FABP12: variants seen among roughly 807,000 people sequenced by gnomAD.
FABP12 encodes fatty acid binding protein 12, also known as fatty acid-binding protein 12.
Under a neutral mutation model 13.7 loss-of-function variants are expected in FABP12, and 19 were observed. The ratio of observed to expected loss-of-function variants is 1.39; its 90% CI spans 0.97 to 2.04. The LOEUF (loss-of-function observed/expected upper bound fraction) is 2.04. Among genes scored for constraint, FABP12 ranks in the 30% most tolerant of loss-of-function variants. FABP12 has a pLI of 0.00. For missense variants in FABP12, 182 were observed against 164.2 expected (o/e 1.11, Z -0.59); for synonymous variants, 61 against 57.0 (o/e 1.07, Z -0.32).
upstream of FABP12, among the ~76,000 whole-genome samples, chr8:81,534,635 G>A (rs1184590572): frequency 6.6e-6 from 1 of 152,150 alleles, no homozygotes; most frequent in Non-Finnish European, 1.5e-5. Flanking sequence ...TTATGATAAA[G>A]AGTAGGAGTT....
rs763089399 is a variant in FABP12 at position 81,578,823 on chromosome 8, G to GTTTTTTTT, written c.-185+11222_-185+11229dup. On this transcript the variant is annotated intron_variant, in intron 1 of 5. Coordinates refer to the FABP12 transcript ENST00000692030. ...TACAGAATCTGACACATTTGTTCAA[G>GTTTTTTTT]TTTTTTTTTTTTTTTTTTTGAGAAG... Among the ~76,000 whole-genome samples, 5 of 105,664 alleles carry GTTTTTTTT rather than the reference G, an allele frequency of 4.7e-5. 2 individuals carry two copies. The highest frequency in any genetic ancestry group is 8.1e-5 in the African/African-American group (2 of 24,576). The allele number at this position is 105,664 out of a possible 152,430, so 69.3% of individuals were successfully genotyped here. A position where few individuals can be genotyped will look rare whatever the true frequency, so the allele number is the denominator to read the frequency against.
chr8:81,529,373 T>C (rs1184986237), intron 3 of FABP12, 65 bp downstream of exon 3: 2 of 1,508,856 alleles, frequency 1.3e-6, no homozygotes, highest in Non-Finnish European at 1.8e-6. Context: ...ATTGCTTACT[T>C]ACCGAGGATG....
chr8:81,552,399 A>G (rs1250079972), intron 1 of FABP12, among the ~76,000 whole-genome samples: 1 of 152,188 alleles, frequency 6.6e-6, no homozygotes, highest in African/African-American at 2.4e-5. Flanking sequence ...AATGCTTAAA[A>G]GAGATTAAAT....
intron 1 of FABP12, among the ~76,000 whole-genome samples, chr8:81,552,034 T>C (rs1563549772): frequency 6.6e-6 from 1 of 152,100 alleles, no homozygotes; most frequent in Non-Finnish European, 1.5e-5. Flanking sequence ...GACCACAGAC[T>C]AGCAAACAAG....
intron 1 of FABP12, among the ~76,000 whole-genome samples, 160 bp from the exon 2 acceptor site, chr8:81,531,550 G>C (rs1809076064): frequency 6.6e-6 from 1 of 152,182 alleles, no homozygotes; most frequent in African/African-American, 2.4e-5. Context: ...ACAGTAGAGT[G>C]TTTAGCAGAA....
chr8:81,583,713 C>A (rs925054460), intron 1 of FABP12, among the ~76,000 whole-genome samples: 1 of 152,026 alleles, frequency 6.6e-6, no homozygotes, highest in Admixed American at 6.6e-5. Context: ...AGTCTCCCAA[C>A]AAAGAAACAG....
intron 1 of FABP12, among the ~76,000 whole-genome samples, chr8:81,544,751 A>G (rs1392808876): frequency 6.6e-6 from 1 of 152,204 alleles, no homozygotes; most frequent in East Asian, 1.9e-4. Context: ...ATAAGACCCA[A>G]TCCCAGACCT....
chr8:81,529,240 C>T, intron 3 of FABP12, 198 bp downstream of exon 3: 1 of 613,714 alleles, frequency 1.6e-6, no homozygotes, highest in South Asian at 2.0e-5. Flanking sequence ...TTCAGGGCCT[C>T]TGGCAGTGAG....
Position 81,551,940 on chromosome 8 carries a change from G to A in FABP12, c.-184-12197C>T, listed in dbSNP as rs1585846513. 1.3e-5 allele frequency among the ~76,000 whole-genome samples: 2 copies of A among 152,126 alleles called. 1 individual carries two copies. On this transcript the variant is annotated intron_variant, in intron 1 of 5. Coordinates refer to the FABP12 transcript ENST00000692030. ...ATAAATATTTAAGGGTCTAGTCGGG[G>A]CCCCATACTGTGCTAGCTTCTAGGA...
At chr8:81,550,258 G>A (rs1195462525) in intron 1 of FABP12, among the ~76,000 whole-genome samples, 1 of 152,164 alleles carries the variant, frequency 6.6e-6, no homozygotes, top group African/African-American at 2.4e-5. Context: ...TCTCATTAGA[G>A]TCTTATAATA....
upstream of FABP12, among the ~76,000 whole-genome samples, chr8:81,534,198 C>A (rs1201215892): frequency 6.6e-6 from 1 of 152,026 alleles, no homozygotes; most frequent in African/African-American, 2.4e-5. Flanking sequence ...TGGAGTTTAC[C>A]AATCACATGA....
intron 1 of FABP12, among the ~76,000 whole-genome samples, chr8:81,588,905 C>T (rs928768103): frequency 1.6e-4 from 24 of 152,082 alleles, no homozygotes; most frequent in African/African-American, 5.6e-4. Flanking sequence ...GTGGATATGT[C>T]CAAACTTAGA....
intron 1 of FABP12, among the ~76,000 whole-genome samples, chr8:81,557,966 A>G (rs972950619): frequency 6.6e-6 from 1 of 152,206 alleles, no homozygotes; most frequent in African/African-American, 2.4e-5. Context: ...AAGCCTGCCC[A>G]GGCCCTAGGT....
At chr8:81,579,878 TTC>T (rs1198347603) in intron 1 of FABP12, among the ~76,000 whole-genome samples, 1 of 152,262 alleles carries the variant, frequency 6.6e-6, no homozygotes, top group Admixed American at 6.5e-5. Context: ...TTTGCATTTA[TTC>T]TCTTTCTTTT....
intron 1 of FABP12, among the ~76,000 whole-genome samples, chr8:81,559,842 G>A (rs1026778029): frequency 6.6e-6 from 1 of 152,212 alleles, no homozygotes; most frequent in Non-Finnish European, 1.5e-5. Flanking sequence ...AACCTCTAGA[G>A]TCTAGCTCAG....
intron 1 of FABP12, among the ~76,000 whole-genome samples, chr8:81,551,859 T>A (rs748897928): frequency 1.6e-4 from 25 of 152,254 alleles, no homozygotes; most frequent in South Asian, 4.1e-4. Context: ...TGTCTGCTGC[T>A]CCAAGTGTTC....
chr8:81,527,096 G>A (rs758809104), exon 4 of FABP12: 6 of 1,608,958 alleles, frequency 3.7e-6, no homozygotes, highest in South Asian at 2.2e-5. Context: ...TTGAATCAGG[G>A]ACTCCTTATC....
intron 1 of FABP12, among the ~76,000 whole-genome samples, chr8:81,566,428 A>G (rs558944400): frequency 6.6e-6 from 1 of 152,242 alleles, no homozygotes; most frequent in African/African-American, 2.4e-5. Context: ...ACAAAATACT[A>G]TCAAACCAAA....
At chr8:81,543,019 C>G (rs555194007) in intron 1 of FABP12, among the ~76,000 whole-genome samples, 30 of 152,248 alleles carry the variant, frequency 2.0e-4, no homozygotes, top group Admixed American at 1.9e-3. Flanking sequence ...GGAAGAAAAT[C>G]CACTGTTCTA....
Sources: gnomAD v4.1 joint callset for allele counts (sites outside exome capture counted in the v4.1 genomes callset) on GRCh38, gnomAD v4.1.1 for gene constraint, MANE v1.5 for transcripts, NCBI Gene and HGNC (gene_info 2026-07-23, HGNC 2026-07-21) for gene names.